Variants in HAS2 observed in about 807,000 individuals in gnomAD.
HAS2 encodes the protein HA synthase 2.
Under a neutral mutation model 51.6 loss-of-function variants are expected in HAS2, and 16 were observed. That is an observed-to-expected ratio of 0.31 (90% CI 0.21 to 0.47). The LOEUF (loss-of-function observed/expected upper bound fraction) is 0.47. Ranked by LOEUF, HAS2 falls within the 20% of genes least tolerant of loss-of-function variation. The probability of loss-of-function intolerance (pLI) is 1.00; values close to 1 mark genes in which losing one functional copy is unlikely to be tolerated. For missense variants in HAS2, 361 were observed against 662.6 expected, an observed-to-expected ratio of 0.54 and a Z score of 5.00; for synonymous variants, 228 against 235.5, an observed-to-expected ratio of 0.97 and a Z score of 0.29.
chr8:121,625,574 T>C (rs1019463201), intron 2 of HAS2, among the ~76,000 whole-genome samples: 2 of 151,642 alleles, frequency 1.3e-5, no homozygotes, highest in African/African-American at 4.8e-5. Flanking sequence ...CAGGCTGGCA[T>C]GATAATGGCT....
rs559861268 is a variant in HAS2 at position 121,626,638 on chromosome 8, A to G, written c.627+2076T>C. Among the ~76,000 whole-genome samples, 223 of 152,260 alleles carry G rather than the reference A, an allele frequency of 1.5e-3. 1 individual carries two copies. Among genetic ancestry groups the G allele is most frequent in the African/African-American group, 5.2e-3 (216 of 41,552 alleles). Reference sequence around the variant, plus strand: ...GTCTTTCTGTGGTTTCTGCTTTGCAATTCTCAAATCCTGGGACACTTAGAA... The same window carrying G: ...GTCTTTCTGTGGTTTCTGCTTTGCAGTTCTCAAATCCTGGGACACTTAGAA... On this transcript the variant is annotated intron_variant, in intron 2 of 3. Transcript: ENST00000303924.
rs1337589198 is a variant in HAS2, at chr8:121,617,156, T to C, written c.678A>G (p.Val226=). 1.2e-5 allele frequency: 20 copies of C among 1,612,946 alleles called. No homozygotes were observed. The highest frequency in any genetic ancestry group is 1.4e-5 in the Non-Finnish European group (17 of 1,179,040). ...MLDPASSVEM[V]KVLEEDPMVG... is the part of the protein sequence containing the mutation. ...CCATGGGATCTTCTTCTAAAACTTT[T>C]ACCATCTCCACAGATGAGGCTGGGT... The change falls in exon 3 of 4, where the codon GTA becomes GTG. Residue 226 remains valine, a synonymous_variant. Transcript: ENST00000303924.
chr8:121,631,912 T>C (rs1812935577), intron 1 of HAS2, among the ~76,000 whole-genome samples: 1 of 152,240 alleles, frequency 6.6e-6, no homozygotes, highest in Non-Finnish European at 1.5e-5. Flanking sequence ...GCCATTCTTT[T>C]CCATTATTCA....
intron 1 of HAS2, chr8:121,639,719 A>T (rs954186397): frequency 6.6e-6 from 1 of 152,296 alleles, no homozygotes; most frequent in African/African-American, 2.4e-5. Context: ...TCTCACCCTC[A>T]TACAGACCCT....
chr8:121,618,840 T>A (rs1444073459), intron 2 of HAS2, among the ~76,000 whole-genome samples: 3 of 152,134 alleles, frequency 2.0e-5, no homozygotes, highest in Non-Finnish European at 4.4e-5. Context: ...CAATTTTTTT[T>A]AATATCAAAA....
At chr8:121,639,891 G>GC in intron 1 of HAS2, 2 of 151,994 alleles carry the variant, frequency 1.3e-5, no homozygotes, top group South Asian at 4.2e-4. Context: ...CAGGCCCCTC[G>GC]CCCCGTTCAT....
At chr8:121,629,723 T>C (rs933409972) in intron 1 of HAS2, among the ~76,000 whole-genome samples, 1 of 152,136 alleles carries the variant, frequency 6.6e-6, no homozygotes, top group African/African-American at 2.4e-5. Flanking sequence ...CCCAAAGAAG[T>C]CATTCTTCTA....
In HAS2 at chr8:121,641,158, C is replaced by CTTTCT. The variant is rs1554597329; in HGVS notation, c.-307_-306insAGAAA. ...TAACTTTTCTTTTTTCTTTTCTTTT[C>CTTTCT]TTTTTTTTTTTTTTTTTTTTTTGGG... On this transcript the variant is annotated 5_prime_UTR_variant, in exon 1 of 4. Coordinates refer to ENST00000303924, the MANE Select transcript of HAS2 (RefSeq NM_005328.3). 53 of 57,016 alleles carry CTTTCT rather than the reference C, an allele frequency of 9.3e-4. No homozygotes were observed. The highest frequency in any genetic ancestry group is 3.0e-3 in the African/African-American group (45 of 14,904). 3.5% of individuals were successfully genotyped at this position (57,016 alleles called of 1,614,324 possible). A position where few individuals can be genotyped will look rare whatever the true frequency, so the allele number is the denominator to read the frequency against.
rs373394247 is a variant in HAS2 at position 121,614,499 on chromosome 8, A to G, written c.1269T>C (p.Phe423=). The change falls in exon 4 of 4, where the codon TTT becomes TTC. Residue 423 remains phenylalanine (F), a synonymous_variant. Coordinates refer to ENST00000303924, the MANE Select transcript of HAS2 (RefSeq NM_005328.3). The surrounding 1 kb of genome is among the most constrained non-coding windows in gnomAD (Gnocchi z 7.2). ...CGATATTTCCTCTAAGGCAGCTGGC[A>G]AAAGATGATTTTATGAGACCTACTA... ...VQLVGLIKSS[F]ASCLRGNIVM... 4 of 1,614,122 alleles carry G rather than the reference A, an allele frequency of 2.5e-6. No homozygotes were observed. Among genetic ancestry groups the G allele is most frequent in the Non-Finnish European group, 2.5e-6 (3 of 1,179,968 alleles).
intron 1 of HAS2, among the ~76,000 whole-genome samples, chr8:121,629,927 G>T (rs868842193): frequency 6.6e-6 from 1 of 151,988 alleles, no homozygotes; most frequent in African/African-American, 2.4e-5. Flanking sequence ...TGTGACCTTG[G>T]GTGAGTCACC....
At chr8:121,636,941 AGAATTCTTG>A (rs1019311196) in intron 1 of HAS2, among the ~76,000 whole-genome samples, 2 of 152,226 alleles carry the variant, frequency 1.3e-5, no homozygotes, top group Non-Finnish European at 2.9e-5. Flanking sequence ...TTATATTCCA[AGAATTCTTG>A]GATTAAATTC....
rs1177810088 is a variant in HAS2, at chr8:121,641,256, C to G, written c.-404G>C. ...AAAAAAAAAAAAAAAAAAAAAAAAG[C>G]CTGTGGAAGACTCAGCAGAACCCAG... On this transcript the variant is annotated 5_prime_UTR_variant, in exon 1 of 4. Transcript: ENST00000303924. The G allele has an allele frequency of 9.1e-6, 1 of 109,752 alleles. No individual in the cohort carries two copies. Among genetic ancestry groups the G allele is most frequent in the Non-Finnish European group, 1.7e-5 (1 of 58,422 alleles). The allele number at this position is 109,752 out of a possible 1,614,324, so 6.8% of individuals were successfully genotyped here.
chr8:121,633,452 G>A (rs770725376), intron 1 of HAS2, among the ~76,000 whole-genome samples: 21 of 152,024 alleles, frequency 1.4e-4, no homozygotes, highest in Non-Finnish European at 2.9e-4. Flanking sequence ...CCTGAAAATT[G>A]TTTCCCTACT....
intron 2 of HAS2, 144 bp from the exon 3 acceptor site, chr8:121,617,350 GC>G (rs1563619996): frequency 6.8e-6 from 4 of 585,944 alleles, no homozygotes; most frequent in Non-Finnish European, 1.2e-5. Flanking sequence ...GATAACAGAG[GC>G]CTTGTTATAT....
Position 121,614,628 on chromosome 8 carries a change from C to G in HAS2, c.1140G>C (p.Ala380=), listed in dbSNP as rs35989566. 1.9e-6 allele frequency: 3 copies of G among 1,613,992 alleles called. No homozygotes were observed. Among genetic ancestry groups the G allele is most frequent in the African/African-American group, 2.7e-5 (2 of 75,010 alleles). Residue 380 remains alanine (A), a synonymous_variant, in exon 4 of 4, where the codon GCG becomes GCC. Transcript: ENST00000303924. The surrounding 1 kb of genome is among the most constrained non-coding windows in gnomAD (Gnocchi z 7.2). ...HKHHLWMTYE[A]IITGFFPFFL... is the part of the protein sequence containing the mutation. Reference sequence around the variant, plus strand: ...AGAAAGGAAAGAATCCAGTGATAATCGCTTCGTAGGTCATCCACAAGTGAT... The same window carrying G: ...AGAAAGGAAAGAATCCAGTGATAATGGCTTCGTAGGTCATCCACAAGTGAT...
intron 1 of HAS2, among the ~76,000 whole-genome samples, chr8:121,635,263 C>A (rs1812993944): frequency 6.6e-6 from 1 of 152,108 alleles, no homozygotes; most frequent in Admixed American, 6.5e-5. Context: ...TTATACAACA[C>A]TTGTCATCTT....
At chr8:121,615,373 G>A (rs2130431308) in intron 3 of HAS2, among the ~76,000 whole-genome samples, 1 of 152,268 alleles carries the variant, frequency 6.6e-6, no homozygotes, top group Non-Finnish European at 1.5e-5. Context: ...GTCTCGCTCT[G>A]TCACCCAGAC....
chr8:121,640,726 T>C (rs1372496572), intron 1 of HAS2, 127 bp downstream of exon 1: 1 of 152,166 alleles, frequency 6.6e-6, no homozygotes, highest in Non-Finnish European at 1.5e-5. Context: ...TGTTGGAAAT[T>C]TTTAAACTTC....
At chr8:121,636,811 G>C (rs896304719) in intron 1 of HAS2, among the ~76,000 whole-genome samples, 39 of 152,266 alleles carry the variant, frequency 2.6e-4, no homozygotes, top group African/African-American at 7.9e-4. Flanking sequence ...CAAACGCCAA[G>C]TCTCTTTAGG....
Sources: gnomAD v4.1 joint callset for allele counts (sites outside exome capture counted in the v4.1 genomes callset) on GRCh38, gnomAD v4.1.1 for gene constraint, Gnocchi (gnomAD v3.1) non-coding constraint, MANE v1.5 for transcripts, NCBI Gene and HGNC (gene_info 2026-07-23, HGNC 2026-07-21) for gene names.